FARS2: variants seen among roughly 807,000 people sequenced by gnomAD.
FARS2 encodes the protein phenylalanyl-tRNA synthetase 2, mitochondrial.
In FARS2, 40 loss-of-function variants were observed where a neutral mutation model predicts 46.4. That is an observed-to-expected ratio of 0.86 (90% CI 0.67 to 1.12). The LOEUF (loss-of-function observed/expected upper bound fraction) is 1.12, where lower values mean the gene tolerates loss of function less well. Ranked by LOEUF, FARS2 falls within the 50% of genes most tolerant of loss-of-function variation. FARS2 has a pLI of 0.00. For synonymous variants in FARS2, 234 were observed against 214.9 expected (o/e 1.09, Z -0.78); for missense variants, 513 against 567.9 (o/e 0.90, Z 0.98).
intron 1 of FARS2, among the ~76,000 whole-genome samples, chr6:5,263,525 A>G (rs1765340129): frequency 6.6e-6 from 1 of 152,246 alleles, no homozygotes; most frequent in Admixed American, 6.5e-5. Flanking sequence ...GATGACTTAA[A>G]AAAAATAACT....
chr6:5,669,564 T>C (rs1003234775), intron 6 of FARS2, among the ~76,000 whole-genome samples: 2 of 152,162 alleles, frequency 1.3e-5, no homozygotes, highest in African/African-American at 4.8e-5. Flanking sequence ...TGTGTTGCTC[T>C]TTTCCCTGAT....
intron 4 of FARS2, among the ~76,000 whole-genome samples, chr6:5,438,247 C>A (rs1763643851): frequency 3.5e-4 from 1 of 2,820 alleles, no homozygotes; most frequent in East Asian, 0.016. Context: ...CCACCCCCCG[C>A]CCCCCCCCCC....
intron 4 of FARS2, among the ~76,000 whole-genome samples, chr6:5,521,296 C>T (rs73356376): frequency 0.11 from 16,787 of 150,150 alleles, 994 homozygotes; most frequent in Admixed American, 0.16. Flanking sequence ...ATTCAGTATT[C>T]AGAATACCAG....
chr6:5,411,593 A>G (rs1041841577), intron 3 of FARS2, among the ~76,000 whole-genome samples: 4 of 152,102 alleles, frequency 2.6e-5, no homozygotes, highest in Admixed American at 2.0e-4. Flanking sequence ...TATTATTATT[A>G]TTGGATTCCT....
At chr6:5,578,836 A>G (rs1263616990) in intron 5 of FARS2, among the ~76,000 whole-genome samples, 1 of 10,422 alleles carries the variant, frequency 9.6e-5, no homozygotes, top group South Asian at 5.6e-3. Context: ...AAAAAAAACA[A>G]AAAAAAAAGA....
rs371344459 is a variant in FARS2, at chr6:5,606,065, C to T, written c.1066-7104C>T. ...AGTTAAGAGGAGAGGAAGATAGATT[C>T]AGAAGCTCCGCAGTATGGATTATTG... is the stretch of plus-strand genomic sequence containing the variant. On this transcript the variant is annotated intron_variant, in intron 5 of 6. Transcript: ENST00000274680. Among the ~76,000 whole-genome samples, 36 of 152,118 alleles carry T rather than the reference C, an allele frequency of 2.4e-4. No individual in the cohort carries two copies. In the South Asian group the frequency reaches 4.2e-3, roughly 18 times the overall value.
chr6:5,434,508 T>G (rs1275465133), intron 4 of FARS2, among the ~76,000 whole-genome samples: 1 of 152,214 alleles, frequency 6.6e-6, no homozygotes, highest in Non-Finnish European at 1.5e-5. Context: ...CTTTGCTATT[T>G]GAATTTGAAG....
intron 1 of FARS2, among the ~76,000 whole-genome samples, chr6:5,305,226 T>G (rs1381371303): frequency 6.6e-6 from 1 of 152,256 alleles, no homozygotes; most frequent in Non-Finnish European, 1.5e-5. Context: ...AGTTGGATTA[T>G]AAACATTACA....
At chr6:5,622,892 A>C (rs1037115444) in intron 6 of FARS2, among the ~76,000 whole-genome samples, 1 of 152,226 alleles carries the variant, frequency 6.6e-6, no homozygotes, top group Non-Finnish European at 1.5e-5. Context: ...GACTTACTAC[A>C]TAATGCTTGC....
the FARS2 span, among the ~76,000 whole-genome samples, chr6:5,255,847 G>C: frequency 5.3e-5 from 8 of 152,124 alleles, no homozygotes; most frequent in Non-Finnish European, 1.0e-4. Context: ...AACGTCTTCA[G>C]ATATTGTCAA....
At chr6:5,636,691 C>G (rs964914079) in intron 6 of FARS2, among the ~76,000 whole-genome samples, 1 of 152,176 alleles carries the variant, frequency 6.6e-6, no homozygotes, top group Non-Finnish European at 1.5e-5. Flanking sequence ...GCCTCGCCTT[C>G]GTCTGCTGGC....
chr6:5,662,261 G>A lies in FARS2; in HGVS notation c.1217+48941G>A, dbSNP rs921719370. ...TCATTTGTTATATTTTCCCATCCTT[G>A]CAGTGCATTGCAGACAATATTATTA... is the stretch of plus-strand genomic sequence containing the variant. On this transcript the variant is annotated intron_variant, in intron 6 of 6. Coordinates refer to ENST00000274680, the MANE Select transcript of FARS2 (RefSeq NM_006567.5). Among the ~76,000 whole-genome samples the A allele has an allele frequency of 2.0e-4, 30 of 151,938 alleles. 1 individual carries two copies. The highest frequency in any genetic ancestry group is 6.8e-4 in the African/African-American group (28 of 41,354).
intron 6 of FARS2, among the ~76,000 whole-genome samples, chr6:5,740,180 A>G (rs910542775): frequency 2.0e-5 from 3 of 152,212 alleles, no homozygotes; most frequent in Admixed American, 6.5e-5. Flanking sequence ...CTGGAAGTCT[A>G]GAGTATCTCC....
chr6:5,390,696 T>C (rs1760452921), intron 2 of FARS2, among the ~76,000 whole-genome samples: 1 of 152,184 alleles, frequency 6.6e-6, no homozygotes, highest in Non-Finnish European at 1.5e-5. Flanking sequence ...TTTGGTTCTC[T>C]TCTATTCCCT....
At chr6:5,429,940 T>C (rs1763068178) in intron 3 of FARS2, among the ~76,000 whole-genome samples, 1 of 152,044 alleles carries the variant, frequency 6.6e-6, no homozygotes, top group South Asian at 2.1e-4. Context: ...GCCTTTTTTT[T>C]TTTTCCCGAA....
intron 2 of FARS2, among the ~76,000 whole-genome samples, chr6:5,401,607 A>T (rs557908687): frequency 1.3e-5 from 2 of 152,150 alleles, no homozygotes; most frequent in Admixed American, 1.3e-4. Flanking sequence ...GTTATTTATT[A>T]CTTGAACAAG....
chr6:5,401,024 C>T (rs1761224961), intron 2 of FARS2, among the ~76,000 whole-genome samples: 1 of 151,886 alleles, frequency 6.6e-6, no homozygotes, highest in Non-Finnish European at 1.5e-5. Context: ...CTGTTATATT[C>T]TGTCCATCCA....
chr6:5,310,423 A>G (rs1376138811), intron 1 of FARS2, among the ~76,000 whole-genome samples: 1 of 152,028 alleles, frequency 6.6e-6, no homozygotes, highest in East Asian at 1.9e-4. Context: ...AAAAACCTAC[A>G]AAGGCAGTCA....
At chr6:5,704,960 C>A (rs1006974506) in intron 6 of FARS2, among the ~76,000 whole-genome samples, 1 of 152,132 alleles carries the variant, frequency 6.6e-6, no homozygotes, top group Admixed American at 6.6e-5. Context: ...ATGTGGCATG[C>A]TTGTGTACAT....
Sources: gnomAD v4.1 joint callset for allele counts (sites outside exome capture counted in the v4.1 genomes callset) on GRCh38, gnomAD v4.1.1 for gene constraint, MANE v1.5 for transcripts, NCBI Gene and HGNC (gene_info 2026-07-23, HGNC 2026-07-21) for gene names.